The following DST variants were observed in gnomAD, a reference collection of about 807,000 sequenced individuals.
DST encodes the protein bullous pemphigoid antigen.
A neutral mutation model predicts 875.2 loss-of-function variants in DST; 253 were observed. That is an observed-to-expected ratio of 0.29 (90% CI 0.26 to 0.32). The LOEUF (loss-of-function observed/expected upper bound fraction) is 0.32, where lower values mean the gene tolerates loss of function less well. Ranked by LOEUF, DST falls within the 10% of genes least tolerant of loss-of-function variation. The probability of loss-of-function intolerance (pLI) is 1.00; values close to 1 mark genes in which losing one functional copy is unlikely to be tolerated. For missense variants in DST, 8,287 were observed against 9,111.6 expected, an observed-to-expected ratio of 0.91 and a Z score of 3.68; for synonymous variants, 3,124 against 3,197.1, an observed-to-expected ratio of 0.98 and a Z score of 0.77.
chr6:56,778,749 T>C (rs954739307), intron 4 of DST, among the ~76,000 whole-genome samples: 2 of 152,024 alleles, frequency 1.3e-5, no homozygotes, highest in Non-Finnish European at 2.9e-5. Flanking sequence ...TTCCATGGTG[T>C]ATATGTGCCA....
chr6:56,838,539 T>A (rs2099796329), intron 4 of DST, among the ~76,000 whole-genome samples: 1 of 151,606 alleles, frequency 6.6e-6, no homozygotes, highest in African/African-American at 2.4e-5. Flanking sequence ...ATTGTTCAAA[T>A]ACAAAACAAA....
intron 2 of DST, among the ~76,000 whole-genome samples, chr6:56,917,710 A>T (rs1360147309): frequency 6.6e-6 from 1 of 152,196 alleles, no homozygotes; most frequent in Non-Finnish European, 1.5e-5. Flanking sequence ...TGGCTTTTTA[A>T]ATAGCACTTA....
intron 61 of DST, among the ~76,000 whole-genome samples, chr6:56,550,073 T>G (rs1291448105): frequency 1.3e-5 from 2 of 152,168 alleles, no homozygotes; most frequent in Non-Finnish European, 2.9e-5. Context: ...AAGCCCATAA[T>G]AAATTGATTT....
chr6:56,925,042 G>C (rs527551720), intron 2 of DST, among the ~76,000 whole-genome samples: 4 of 152,342 alleles, frequency 2.6e-5, no homozygotes, highest in African/African-American at 9.6e-5. Context: ...TAGTAGGAAA[G>C]AGATGGGGAG....
At chr6:56,867,070 T>C (rs1419570345) in intron 3 of DST, among the ~76,000 whole-genome samples, 1 of 152,026 alleles carries the variant, frequency 6.6e-6, no homozygotes, top group East Asian at 1.9e-4. Flanking sequence ...TAACCATAAA[T>C]CAGAAATGGG....
At chr6:56,686,388 A>G (rs549479975) in intron 9 of DST, among the ~76,000 whole-genome samples, 1 of 152,352 alleles carries the variant, frequency 6.6e-6, no homozygotes, top group Admixed American at 6.5e-5. Flanking sequence ...CCTCAGGATC[A>G]TGCAATATAC....
chr6:56,636,278 A>T (rs1048029434), intron 23 of DST, among the ~76,000 whole-genome samples: 1 of 151,130 alleles, frequency 6.6e-6, no homozygotes, highest in Non-Finnish European at 1.5e-5. Flanking sequence ...AAACACACAC[A>T]CACACACACA....
chr6:56,775,104 T>C (rs143144910), intron 4 of DST, among the ~76,000 whole-genome samples: 163 of 152,172 alleles, frequency 1.1e-3, no homozygotes, highest in African/African-American at 3.7e-3. Flanking sequence ...GTAATAAGTT[T>C]TGAGGGGAAT....
At chr6:56,529,267 T>G (rs1358485567) in intron 66 of DST, among the ~76,000 whole-genome samples, 181 bp downstream of exon 66, 1 of 152,188 alleles carries the variant, frequency 6.6e-6, no homozygotes, top group African/African-American at 2.4e-5. Context: ...TCCAGCTAAT[T>G]GGATAGAGTC....
At chr6:56,503,853 T>C (rs2096228157) in intron 78 of DST, 144 bp downstream of exon 78, 1 of 517,788 alleles carries the variant, frequency 1.9e-6, no homozygotes, top group Non-Finnish European at 3.3e-6. Context: ...TTGCTTAGCA[T>C]GTGAAAGCAC....
At chr6:56,619,125 T>C (rs755668829) in intron 36 of DST, 2 of 1,613,640 alleles carry the variant, frequency 1.2e-6, no homozygotes, top group Non-Finnish European at 1.7e-6. Context: ...TGCTCTGTTT[T>C]TGTCTGTTTA....
chr6:56,662,220 T>C (rs2152814692), intron 10 of DST, among the ~76,000 whole-genome samples: 1 of 152,226 alleles, frequency 6.6e-6, no homozygotes, highest in East Asian at 1.9e-4. Flanking sequence ...GTACAACTCT[T>C]TTGGCAGACA....
At chr6:56,514,007 C>T (rs1005758413) in intron 72 of DST, among the ~76,000 whole-genome samples, 4 of 152,176 alleles carry the variant, frequency 2.6e-5, no homozygotes, top group Non-Finnish European at 4.4e-5. Flanking sequence ...TCTGCAACAG[C>T]AAAGCTTTTA....
intron 10 of DST, among the ~76,000 whole-genome samples, chr6:56,660,133 G>A (rs1332218780): frequency 6.6e-6 from 1 of 152,190 alleles, no homozygotes; most frequent in Non-Finnish European, 1.5e-5. Flanking sequence ...AAGACTGCTG[G>A]CCAGAACCAT....
chr6:56,748,716 T>C (rs902784131), intron 4 of DST, among the ~76,000 whole-genome samples: 3 of 152,150 alleles, frequency 2.0e-5, no homozygotes, highest in Non-Finnish European at 4.4e-5. Flanking sequence ...TAAAAATAAA[T>C]TTCAAAGAAC....
intron 12 of DST, among the ~76,000 whole-genome samples, chr6:56,650,154 G>T (rs143377222): frequency 6.6e-6 from 1 of 151,836 alleles, no homozygotes; most frequent in Non-Finnish European, 1.5e-5. Context: ...CTAATCCAGG[G>T]GAGCTAATCA....
chr6:56,557,295 G>A, intron 59 of DST, 24 bp downstream of exon 59: 1 of 1,595,696 alleles, frequency 6.3e-7, no homozygotes, highest in Non-Finnish European at 8.5e-7. Context: ...ATGCACGAGA[G>A]ACAGGTTATT....
At chr6:56,652,338 G>A (rs1183469691) in intron 10 of DST, among the ~76,000 whole-genome samples, 1 of 152,196 alleles carries the variant, frequency 6.6e-6, no homozygotes, top group African/African-American at 2.4e-5. Flanking sequence ...AGCATTGAAA[G>A]ACTACCGGAA....
At chr6:56,926,152 T>G (rs1432046886) in intron 2 of DST, among the ~76,000 whole-genome samples, 1 of 150,668 alleles carries the variant, frequency 6.6e-6, no homozygotes, top group Non-Finnish European at 1.5e-5. Context: ...AAAAAACCTT[T>G]TTAGCATCTG....
Sources: gnomAD v4.1 joint callset for allele counts (sites outside exome capture counted in the v4.1 genomes callset) on GRCh38, gnomAD v4.1.1 for gene constraint, MANE v1.5 for transcripts, NCBI Gene and HGNC (gene_info 2026-07-23, HGNC 2026-07-21) for gene names.